Variants in AVL9 observed in about 807,000 individuals in gnomAD.
AVL9 encodes late secretory pathway protein AVL9 homolog.
Under a neutral mutation model 79.2 loss-of-function variants are expected in AVL9, and 49 were observed. The observed-to-expected ratio is 0.62, with a 90% CI of 0.49 to 0.79. The LOEUF is 0.79. Ranked by LOEUF, AVL9 falls within the 30% of genes least tolerant of loss-of-function variation. AVL9 has a pLI of 0.00. For missense variants in AVL9, 682 were observed against 776.8 expected, an observed-to-expected ratio of 0.88 and a Z score of 1.45; for synonymous variants, 299 against 280.6, an observed-to-expected ratio of 1.07 and a Z score of -0.65.
At position 32,586,469 on chromosome 7, in the gene AVL9, C is replaced by CCCA. The variant is rs1554350218; in HGVS notation, c.*2564_*2565insACC. 455 of 135,286 alleles carry CCCA rather than the reference C, an allele frequency of 3.4e-3. 8 individuals carry two copies. Among genetic ancestry groups the CCCA allele is most frequent in the African/African-American group, 0.012 (427 of 34,826 alleles). 8.4% of individuals were successfully genotyped at this position (135,286 alleles called of 1,614,324 possible). On this transcript the variant is annotated 3_prime_UTR_variant, in exon 16 of 16. Coordinates refer to ENST00000318709, the MANE Select transcript of AVL9 (RefSeq NM_015060.3). The stretch of plus-strand genomic sequence containing the variant: ...TCACCCCTGGTCCTGTGACCCCCCC[C>CCCA]CCCCACACACACACATACTTCAGGC...
chr7:32,552,390 C>A, intron 6 of AVL9, 95 bp downstream of exon 6: 1 of 683,146 alleles, frequency 1.5e-6, no homozygotes, highest in South Asian at 1.7e-5. Flanking sequence ...AATTACATCT[C>A]TATATGGGAT....
At chr7:32,566,101 C>T (rs1450207343) in intron 10 of AVL9, among the ~76,000 whole-genome samples, 2 of 149,632 alleles carry the variant, frequency 1.3e-5, no homozygotes, top group East Asian at 3.9e-4. Context: ...CATGTCAATG[C>T]ACTCCAGCCT....
chr7:32,513,075 A>G (rs1481368875), intron 1 of AVL9, among the ~76,000 whole-genome samples: 1 of 152,112 alleles, frequency 6.6e-6, no homozygotes, highest in Non-Finnish European at 1.5e-5. Context: ...TTTCTAATAA[A>G]AGTACTGCCT....
At chr7:32,532,747 A>G (rs1030907565) in intron 1 of AVL9, 1 of 152,230 alleles carries the variant, frequency 6.6e-6, no homozygotes, top group Admixed American at 6.5e-5. Context: ...TTAATTTAAA[A>G]ACAAACTTCT....
Position 32,576,022 on chromosome 7 carries a change from C to T in AVL9, c.1638C>T (p.Tyr546=). The T allele has an allele frequency of 1.2e-6, 2 of 1,614,066 alleles. No individual in the cohort carries two copies. The highest frequency in any genetic ancestry group is 1.1e-5 in the South Asian group (1 of 91,080). ...FVTAWKNTHN[Y]RVWNSNKHPA... ...CAGCATGGAAGAATACTCACAACTA[C>T]AGGGTGTGGAACAGCAACAAGCATC... The change falls in exon 13 of 16, where the codon TAC becomes TAT. Residue 546 remains tyrosine, a synonymous_variant. Coordinates refer to ENST00000318709, the MANE Select transcript of AVL9 (RefSeq NM_015060.3).
intron 4 of AVL9, among the ~76,000 whole-genome samples, chr7:32,550,487 A>C (rs1048325551): frequency 2.0e-5 from 3 of 152,188 alleles, no homozygotes; most frequent in Non-Finnish European, 4.4e-5. Context: ...TCTATGTATA[A>C]ATATAAATGA....
intron 4 of AVL9, among the ~76,000 whole-genome samples, chr7:32,549,251 G>A (rs2128137081): frequency 6.8e-6 from 1 of 147,984 alleles, no homozygotes; most frequent in South Asian, 2.1e-4. Flanking sequence ...TTGAGACAGA[G>A]TCTCACTCTG....
chr7:32,540,992 G>C (rs1033047870), intron 1 of AVL9, among the ~76,000 whole-genome samples: 2 of 139,438 alleles, frequency 1.4e-5, no homozygotes, highest in South Asian at 4.5e-4. Flanking sequence ...TCCGCCTCCC[G>C]GGTTCACGCC....
chr7:32,536,556 A>G (rs996410459), intron 1 of AVL9: 5 of 151,974 alleles, frequency 3.3e-5, no homozygotes, highest in African/African-American at 1.2e-4. Context: ...TTCATGCTTA[A>G]TCTCTGATAA....
chr7:32,508,562 T>A (rs990092949), intron 1 of AVL9, among the ~76,000 whole-genome samples: 2 of 152,220 alleles, frequency 1.3e-5, no homozygotes, highest in South Asian at 2.1e-4. Flanking sequence ...ATCTCGAATG[T>A]TCAGTATCCA....
intron 13 of AVL9, among the ~76,000 whole-genome samples, chr7:32,579,890 AATG>A (rs1791425576): frequency 6.6e-6 from 1 of 151,724 alleles, no homozygotes; most frequent in Admixed American, 6.6e-5. Context: ...GCTTGTAAAA[AATG>A]TGTTGATGTT....
At chr7:32,545,784 T>C (rs6967167) in intron 3 of AVL9, among the ~76,000 whole-genome samples, 1 of 152,004 alleles carries the variant, frequency 6.6e-6, no homozygotes, top group Non-Finnish European at 1.5e-5. Context: ...CTGTTTTTTT[T>C]GTGGTGGGGA....
chr7:32,579,371 T>TATATAACATATATA (rs1791263563), intron 13 of AVL9, among the ~76,000 whole-genome samples: 1 of 35,500 alleles, frequency 2.8e-5, no homozygotes, highest in African/African-American at 1.3e-4. Context: ...ACATATATAA[T>TATATAACATATATA]ATATGTTATA....
At chr7:32,553,794 A>G in intron 7 of AVL9, 27 bp downstream of exon 7, 1 of 1,571,468 alleles carries the variant, frequency 6.4e-7, no homozygotes, top group Non-Finnish European at 8.7e-7. Context: ...AAATAAATTT[A>G]TGATGTACAG....
intron 15 of AVL9, among the ~76,000 whole-genome samples, chr7:32,581,997 G>A (rs1219988583): frequency 1.3e-5 from 2 of 152,172 alleles, no homozygotes; most frequent in Non-Finnish European, 2.9e-5. Context: ...GCCAATATTA[G>A]TATCAAAGTC....
At chr7:32,510,156 A>C (rs1209305692) in intron 1 of AVL9, among the ~76,000 whole-genome samples, 1 of 151,774 alleles carries the variant, frequency 6.6e-6, no homozygotes, top group Admixed American at 6.6e-5. Flanking sequence ...CAGTCCTGGC[A>C]CTTCTGAACT....
In AVL9 at chr7:32,585,411, C is replaced by G. The variant is rs1791731251; in HGVS notation, c.*1504C>G. ...TACTGATGATTTGTACACAGCTGGA[C>G]CTCGTGTGTTTGCCATGCTCAGCTC... On this transcript the variant is annotated 3_prime_UTR_variant, in exon 16 of 16. Transcript: ENST00000318709. 1 of 152,186 alleles carries G rather than the reference C, an allele frequency of 6.6e-6. No homozygotes were observed. Among genetic ancestry groups the G allele is most frequent in the African/African-American group, 2.4e-5 (1 of 41,452 alleles). 9.4% of individuals were successfully genotyped at this position (152,186 alleles called of 1,614,324 possible).
At chr7:32,577,252 T>C (rs1791145019) in intron 13 of AVL9, among the ~76,000 whole-genome samples, 1 of 152,204 alleles carries the variant, frequency 6.6e-6, no homozygotes, top group Admixed American at 6.5e-5. Flanking sequence ...GGAGGATTAC[T>C]TGAACCCACG....
chr7:32,521,193 GC>G (rs1198711685), intron 1 of AVL9, among the ~76,000 whole-genome samples: 2 of 152,110 alleles, frequency 1.3e-5, no homozygotes, highest in Admixed American at 1.3e-4. Context: ...GTGGGGCACT[GC>G]TGAAAATATA....
Sources: allele counts gnomAD v4.1 joint callset (sites outside exome capture counted in the v4.1 genomes callset), GRCh38; gene constraint gnomAD v4.1.1; transcripts MANE v1.5; gene names NCBI Gene and HGNC (gene_info 2026-07-23, HGNC 2026-07-21).